Variants in SP100 observed in about 807,000 individuals in gnomAD.
The protein encoded by SP100 is SP100 nuclear body protein, also known as nuclear autoantigen Sp-100.
In SP100, 84 loss-of-function variants were observed where a neutral mutation model predicts 130.0. The observed-to-expected ratio is 0.65, with a 90% CI of 0.54 to 0.77. The LOEUF (loss-of-function observed/expected upper bound fraction) is 0.77, where lower values mean the gene tolerates loss of function less well. Among genes scored for constraint, SP100 ranks in the 30% least tolerant of loss-of-function variants. SP100 has a pLI of 0.00. For missense variants in SP100, 978 were observed against 1,052.2 expected (o/e 0.93, Z 0.97); for synonymous variants, 331 against 351.7 (o/e 0.94, Z 0.66).
intron 2 of SP100, among the ~76,000 whole-genome samples, chr2:230,432,407 G>T (rs577340697): frequency 6.6e-6 from 1 of 152,266 alleles, no homozygotes; most frequent in South Asian, 2.1e-4. Context: ...ATTTAGGAGT[G>T]AAACTATTGG....
In SP100 at chr2:230,527,245, G is replaced by A. The variant is rs192851370; in HGVS notation, c.2095-12022G>A. Among the ~76,000 whole-genome samples the A allele has an allele frequency of 2.8e-4, 42 of 152,298 alleles. No homozygotes were observed. The East Asian group carries it at 7.7e-3, about 28-fold the overall frequency. On this transcript the variant is annotated intron_variant, in intron 24 of 28. Coordinates refer to ENST00000340126, the MANE Select transcript of SP100 (RefSeq NM_001080391.2). ...AGATCTCTCAGCAGAAACTCTACAA[G>A]CCAGAAGACAGTGGCAGCCAATATT...
intron 3 of SP100, among the ~76,000 whole-genome samples, chr2:230,443,738 C>T (rs965765685): frequency 6.6e-6 from 1 of 152,142 alleles, no homozygotes; most frequent in Non-Finnish European, 1.5e-5. Context: ...AATATGCTTC[C>T]TCTGTGGCCA....
At chr2:230,434,254 AATAGTTCAACAGTGTAT>A (rs1297600118) in intron 2 of SP100, among the ~76,000 whole-genome samples, 1 of 152,176 alleles carries the variant, frequency 6.6e-6, no homozygotes, top group African/African-American at 2.4e-5. Flanking sequence ...ATAGCTATGT[AATAGTTCAACAGTGTAT>A]ATTTACAATA....
intron 17 of SP100, among the ~76,000 whole-genome samples, chr2:230,486,085 A>T (rs4973324): frequency 0.87 from 132,173 of 152,210 alleles, 57,966 homozygotes; most frequent in African/African-American, 0.96. Context: ...AAAAAGAGGT[A>T]TAATTGACTC....
chr2:230,503,563 C>T (rs2067153440), intron 20 of SP100, among the ~76,000 whole-genome samples: 2 of 152,080 alleles, frequency 1.3e-5, no homozygotes, highest in African/African-American at 2.4e-5. Flanking sequence ...CTATTGAAAA[C>T]ACCAGGTTTT....
intron 17 of SP100, among the ~76,000 whole-genome samples, chr2:230,488,587 G>A (rs1245596029): frequency 2.0e-5 from 3 of 151,876 alleles, no homozygotes; most frequent in African/African-American, 7.3e-5. Flanking sequence ...CTAATTTTTA[G>A]CATTTTTAGT....
chr2:230,512,416 A>G (rs896862899), intron 24 of SP100, among the ~76,000 whole-genome samples: 2 of 150,746 alleles, frequency 1.3e-5, no homozygotes, highest in African/African-American at 2.4e-5. Flanking sequence ...CAGCCTCCCA[A>G]GTAGCTGGGA....
intron 8 of SP100, among the ~76,000 whole-genome samples, chr2:230,452,211 CTT>C (rs1165933129): frequency 6.7e-6 from 1 of 148,890 alleles, no homozygotes; most frequent in East Asian, 2.0e-4. Context: ...GAGTTTTGCT[CTT>C]GTTGCCCAGG....
In SP100 at chr2:230,444,247, G is replaced by C; in HGVS notation, c.340G>C (p.Glu114Gln). 6.2e-7 allele frequency: 1 copy of C among 1,613,192 alleles called. No individual in the cohort carries two copies. The highest frequency in any genetic ancestry group is 8.5e-7 in the Non-Finnish European group (1 of 1,179,164). The change falls in exon 4 of 29, where the codon GAG becomes CAG. Residue 114 changes from glutamate to glutamine, a missense_variant. By Grantham distance (29) the Glu-to-Gln change is conservative. Coordinates refer to ENST00000340126, the MANE Select transcript of SP100 (RefSeq NM_001080391.2). Reference protein sequence around the residue: ...RVVYNVLSELEKTFNLPVLEA... With the variant: ...RVVYNVLSELQKTFNLPVLEA... ...GGTGTACAATGTTCTTAGTGAACTGGAGAAGACATTTAACCTGCCAGTTCT... is the reference window on the plus strand; with the variant it reads ...GGTGTACAATGTTCTTAGTGAACTGCAGAAGACATTTAACCTGCCAGTTCT...
intron 24 of SP100, among the ~76,000 whole-genome samples, chr2:230,512,142 C>CTAGCCATGCT (rs2150084874): frequency 6.6e-6 from 1 of 152,196 alleles, no homozygotes; most frequent in South Asian, 2.1e-4. Context: ...GCTAGGATTA[C>CTAGCCATGCT]AGGCATGAGC....
Position 230,531,302 on chromosome 2 carries a change from A to G in SP100, c.2095-7965A>G, listed in dbSNP as rs1691688468. On this transcript the variant is annotated intron_variant, in intron 24 of 28. Transcript: ENST00000340126. ...GATGAAGCTGGAAACCATCATTCTAAGCAAACTATCACAAGGACAGAAAAC... is the reference window on the plus strand; with the variant it reads ...GATGAAGCTGGAAACCATCATTCTAGGCAAACTATCACAAGGACAGAAAAC... 2.0e-5 allele frequency among the ~76,000 whole-genome samples: 3 copies of G among 152,206 alleles called. No individual in the cohort carries two copies. The South Asian group carries it at 6.2e-4, about 32-fold the overall frequency.
chr2:230,515,318 C>T, intron 24 of SP100: 1 of 1,613,548 alleles, frequency 6.2e-7, no homozygotes, highest in African/African-American at 1.3e-5. Flanking sequence ...AAGAGGCCTC[C>T]TTTGGCCTTT....
At chr2:230,526,807 G>A (rs1691451620) in intron 24 of SP100, among the ~76,000 whole-genome samples, 1 of 152,158 alleles carries the variant, frequency 6.6e-6, no homozygotes. Context: ...ATTCAATCAA[G>A]TGGAAGAAAG....
chr2:230,416,697 A>G, intron 1 of SP100: 1 of 1,001,302 alleles, frequency 1.0e-6, no homozygotes, highest in South Asian at 3.9e-5. Context: ...GTCATGTCAA[A>G]AAAGGTGCTT....
intron 2 of SP100, chr2:230,440,670 T>A: frequency 2.0e-6 from 2 of 1,016,242 alleles, no homozygotes; most frequent in Non-Finnish European, 2.6e-6. Flanking sequence ...GTCCTAAAGT[T>A]TTTTCTTGAA....
In SP100 at chr2:230,474,686, C is replaced by T. The variant is rs115652862; in HGVS notation, c.1600+239C>T. Among the ~76,000 whole-genome samples, 229 of 152,242 alleles carry T rather than the reference C, an allele frequency of 1.5e-3. 2 individuals are homozygous for T. The highest frequency in any genetic ancestry group is 5.2e-3 in the African/African-American group (216 of 41,540). On this transcript the variant is annotated intron_variant, in intron 17 of 28. Coordinates refer to ENST00000340126, the MANE Select transcript of SP100 (RefSeq NM_001080391.2). ...TTCTTCAGCCCATGCCACCCTCTCCCCCTGCCCCATCTAGTGGTCCCCAGT... is the reference window on the plus strand; with the variant it reads ...TTCTTCAGCCCATGCCACCCTCTCCTCCTGCCCCATCTAGTGGTCCCCAGT...
At chr2:230,541,824 T>C (rs1692192179) in intron 27 of SP100, 68 bp from the exon 28 acceptor site, 1 of 1,538,876 alleles carries the variant, frequency 6.5e-7, no homozygotes, top group Non-Finnish European at 8.8e-7. Flanking sequence ...TCCACAAACC[T>C]TTATTCCATA....
intron 24 of SP100, chr2:230,515,453 A>G: frequency 1.2e-6 from 2 of 1,613,918 alleles, no homozygotes; most frequent in Non-Finnish European, 1.7e-6. Flanking sequence ...AAGCAGTTTT[A>G]TGAAAAGAAG....
chr2:230,450,648 CCT>C (rs2063934483), intron 8 of SP100, among the ~76,000 whole-genome samples: 1 of 152,172 alleles, frequency 6.6e-6, no homozygotes, highest in South Asian at 2.1e-4. Flanking sequence ...ATATCCCCAG[CCT>C]CTGTTACCAC....
Sources: gnomAD v4.1 joint callset for allele counts (sites outside exome capture counted in the v4.1 genomes callset) on GRCh38, gnomAD v4.1.1 for gene constraint, MANE v1.5 for transcripts, NCBI Gene and HGNC (gene_info 2026-07-23, HGNC 2026-07-21) for gene names.